The following TAF4B variants were observed in gnomAD, a reference collection of about 807,000 sequenced individuals.
TAF4B encodes transcription initiation factor TFIID subunit 4B.
In TAF4B, 38 loss-of-function variants were observed where a neutral mutation model predicts 86.4. The observed-to-expected ratio is 0.44, with a 90% confidence interval of 0.34 to 0.58. The LOEUF is 0.58. Among genes scored for constraint, TAF4B ranks in the 20% least tolerant of loss-of-function variants. The probability of loss-of-function intolerance (pLI) is 0.02; values close to 1 mark genes in which losing one functional copy is unlikely to be tolerated. For synonymous variants in TAF4B, 388 were observed against 391.2 expected, an observed-to-expected ratio of 0.99 and a Z score of 0.10; for missense variants, 988 against 1,027.6, an observed-to-expected ratio of 0.96 and a Z score of 0.53.
intron 13 of TAF4B, among the ~76,000 whole-genome samples, chr18:26,348,017 A>G (rs2057214456): frequency 6.6e-6 from 1 of 152,234 alleles, no homozygotes. Flanking sequence ...TCATGTAGAC[A>G]GAAAATCAAC....
At chr18:26,318,572 C>A (rs1568150223) in intron 10 of TAF4B, among the ~76,000 whole-genome samples, 1 of 152,034 alleles carries the variant, frequency 6.6e-6, no homozygotes, top group Non-Finnish European at 1.5e-5. Context: ...GTGTTCTTTT[C>A]TTTTTTTCCT....
At chr18:26,279,074 A>G (rs1384301855) in intron 5 of TAF4B, among the ~76,000 whole-genome samples, 2 of 152,092 alleles carry the variant, frequency 1.3e-5, no homozygotes, top group Admixed American at 6.6e-5. Context: ...AGGAAAAAAA[A>G]GGAGTAAAAC....
Position 26,391,061 on chromosome 18 carries a change from GA to G in TAF4B, c.*1050del, listed in dbSNP as rs1978679505. On this transcript the variant is annotated 3_prime_UTR_variant, in exon 15 of 15. Coordinates refer to ENST00000269142, the MANE Select transcript of TAF4B (RefSeq NM_005640.3). Reference sequence around the variant, plus strand: ...CATTTAAAAAATCCTAATTGATGATGAGAAATTTTTAACAATAGGACTTTAT... The same window carrying G: ...CATTTAAAAAATCCTAATTGATGATGGAAATTTTTAACAATAGGACTTTAT... 6.6e-6 allele frequency: 1 copy of G among 152,126 alleles called. No homozygotes were observed. Among genetic ancestry groups the G allele is most frequent in the Non-Finnish European group, 1.5e-5 (1 of 68,024 alleles). The allele number at this position is 152,126 out of a possible 1,614,324, so 9.4% of individuals were successfully genotyped here. A position where few individuals can be genotyped will look rare whatever the true frequency, so the allele number is the denominator to read the frequency against.
At chr18:26,345,774 A>G (rs985637422) in intron 13 of TAF4B, among the ~76,000 whole-genome samples, 3 of 152,196 alleles carry the variant, frequency 2.0e-5, no homozygotes, top group African/African-American at 7.2e-5. Flanking sequence ...TGAAAAAACT[A>G]CAGATAAATA....
intron 14 of TAF4B, among the ~76,000 whole-genome samples, chr18:26,364,173 T>C (rs757682467): frequency 6.6e-6 from 1 of 152,188 alleles, no homozygotes; most frequent in Non-Finnish European, 1.5e-5. Context: ...CTTGGTAAAA[T>C]TGAATAGCAT....
chr18:26,226,546 CG>C lies in TAF4B; in HGVS notation c.-383del. The C allele has an allele frequency of 5.9e-6, 1 of 168,092 alleles. No homozygotes were observed. Among genetic ancestry groups the C allele is most frequent in the Non-Finnish European group, 1.3e-5 (1 of 78,948 alleles). 10.4% of individuals were successfully genotyped at this position (168,092 alleles called of 1,614,324 possible). A position where few individuals can be genotyped will look rare whatever the true frequency, so the allele number is the denominator to read the frequency against. On this transcript the variant is annotated 5_prime_UTR_variant, in exon 1 of 15. Coordinates refer to ENST00000269142, the MANE Select transcript of TAF4B (RefSeq NM_005640.3). ...GGGTTCGTAGTTTTGAAATTTCTGG[CG>C]GGGGAGCAGCTGCGCAGTTAGGCTC...
intron 14 of TAF4B, among the ~76,000 whole-genome samples, chr18:26,358,265 T>C (rs1029122437): frequency 1.3e-5 from 2 of 152,218 alleles, no homozygotes; most frequent in Admixed American, 6.5e-5. Context: ...CATTTTCTCT[T>C]CTGTTAGATT....
chr18:26,301,606 A>G (rs907735817), intron 9 of TAF4B, among the ~76,000 whole-genome samples: 3 of 152,106 alleles, frequency 2.0e-5, no homozygotes, highest in Non-Finnish European at 1.5e-5. Flanking sequence ...TTGTGGTTAA[A>G]GTCAAATGCT....
chr18:26,388,634 C>A (rs1239684438), intron 14 of TAF4B, among the ~76,000 whole-genome samples: 1 of 152,152 alleles, frequency 6.6e-6, no homozygotes, highest in Non-Finnish European at 1.5e-5. Flanking sequence ...CCTAGAATGG[C>A]CTCTTTGCTA....
At chr18:26,327,870 G>A (rs1398792612) in intron 12 of TAF4B, among the ~76,000 whole-genome samples, 1 of 152,230 alleles carries the variant, frequency 6.6e-6, no homozygotes, top group Non-Finnish European at 1.5e-5. Context: ...ACAGGCGTGA[G>A]CCACCCGCCT....
At position 26,321,188 on chromosome 18, in the gene TAF4B, GACT is replaced by G; in HGVS notation, c.2125_2127del (p.Thr709del). On this transcript the variant is annotated inframe_deletion, in exon 11 of 15. Transcript: ENST00000269142. The stretch of plus-strand genomic sequence containing the variant: ...TGACTGCAATTGCTCAGCATCGAAT[GACT>G]ACTTACAAGGTAAAGGAAATCATTA... 1 of 1,613,612 alleles carries G rather than the reference GACT, an allele frequency of 6.2e-7. No individual in the cohort carries two copies. Among genetic ancestry groups the G allele is most frequent in the Non-Finnish European group, 8.5e-7 (1 of 1,179,720 alleles).
At chr18:26,314,973 C>G (rs2056886643) in intron 9 of TAF4B, among the ~76,000 whole-genome samples, 2 of 152,006 alleles carry the variant, frequency 1.3e-5, no homozygotes, top group South Asian at 4.2e-4. Context: ...GTTAGAGACA[C>G]TAATTACTTT....
At chr18:26,351,369 C>G (rs768626400) in intron 13 of TAF4B, among the ~76,000 whole-genome samples, 57 of 152,002 alleles carry the variant, frequency 3.7e-4, no homozygotes, top group Non-Finnish European at 7.1e-4. Context: ...TGGAAAGGGT[C>G]TGGGGGAAAA....
At chr18:26,364,025 A>C (rs1453161686) in intron 14 of TAF4B, among the ~76,000 whole-genome samples, 1 of 152,226 alleles carries the variant, frequency 6.6e-6, no homozygotes, top group Non-Finnish European at 1.5e-5. Context: ...AAGAAATTGG[A>C]GAAATTAGTT....
At chr18:26,271,651 T>C (rs1391351461) in intron 3 of TAF4B, among the ~76,000 whole-genome samples, 1 of 152,114 alleles carries the variant, frequency 6.6e-6, no homozygotes, top group South Asian at 2.1e-4. Flanking sequence ...GGGCCAGGCA[T>C]GGTGAGTCAC....
intron 3 of TAF4B, among the ~76,000 whole-genome samples, chr18:26,268,569 T>C (rs2056272253): frequency 6.6e-6 from 1 of 152,162 alleles, no homozygotes. Flanking sequence ...TTGCTACGGC[T>C]TGTCTATTTA....
At chr18:26,281,219 T>C (rs1164609505) in intron 5 of TAF4B, among the ~76,000 whole-genome samples, 1 of 152,076 alleles carries the variant, frequency 6.6e-6, no homozygotes, top group African/African-American at 2.4e-5. Flanking sequence ...GACGAGATCA[T>C]CTGTACCCCA....
chr18:26,241,319 G>T (rs1331338013), intron 1 of TAF4B, among the ~76,000 whole-genome samples: 1 of 152,174 alleles, frequency 6.6e-6, no homozygotes, highest in South Asian at 2.1e-4. Flanking sequence ...TTGGGAGGGT[G>T]TATGTGTCCA....
intron 10 of TAF4B, among the ~76,000 whole-genome samples, chr18:26,317,883 T>C (rs1393000006): frequency 6.6e-6 from 1 of 152,194 alleles, no homozygotes; most frequent in Non-Finnish European, 1.5e-5. Flanking sequence ...GAATGACTTT[T>C]GGGGAGATGC....
Sources: allele counts gnomAD v4.1 joint callset (sites outside exome capture counted in the v4.1 genomes callset), GRCh38; gene constraint gnomAD v4.1.1; transcripts MANE v1.5; gene names NCBI Gene and HGNC (gene_info 2026-07-23, HGNC 2026-07-21).